CCDC102B: variants seen among roughly 807,000 people sequenced by gnomAD.
CCDC102B encodes the protein coiled-coil domain-containing protein 102B.
CCDC102B carries 75 observed loss-of-function variants against 57.4 expected under a neutral mutation model. That is an observed-to-expected ratio of 1.31 (90% CI 1.08 to 1.58). CCDC102B has a LOEUF of 1.58. Ranked by LOEUF, CCDC102B falls within the 40% of genes most tolerant of loss-of-function variation. The probability of loss-of-function intolerance (pLI) is 0.00; values close to 1 mark genes in which losing one functional copy is unlikely to be tolerated. For missense variants in CCDC102B, 636 were observed against 582.6 expected (o/e 1.09, Z -0.94); for synonymous variants, 206 against 201.9 (o/e 1.02, Z -0.17).
At chr18:68,948,664 C>T (rs1009270061) in intron 6 of CCDC102B, among the ~76,000 whole-genome samples, 9 of 151,970 alleles carry the variant, frequency 5.9e-5, no homozygotes, top group Admixed American at 2.6e-4. Flanking sequence ...TTCAACTCCT[C>T]GGAAGCCTCT....
chr18:68,947,195 T>C (rs1404005689), intron 6 of CCDC102B, among the ~76,000 whole-genome samples: 1 of 151,362 alleles, frequency 6.6e-6, no homozygotes, highest in African/African-American at 2.4e-5. Flanking sequence ...CACCAAGAGA[T>C]AGAGGGGCAT....
At chr18:68,723,531 A>G (rs1039870594) in intron 2 of CCDC102B, among the ~76,000 whole-genome samples, 6 of 152,160 alleles carry the variant, frequency 3.9e-5, no homozygotes, top group Admixed American at 6.5e-5. Flanking sequence ...GATAAATACA[A>G]CCATTCCAAA....
chr18:69,012,059 T>C (rs1443081126), intron 7 of CCDC102B, among the ~76,000 whole-genome samples: 6 of 152,172 alleles, frequency 3.9e-5, no homozygotes, highest in Admixed American at 1.3e-4. Flanking sequence ...TGCTTTCTAG[T>C]GGCTCTTGGC....
intron 6 of CCDC102B, among the ~76,000 whole-genome samples, chr18:68,929,098 A>C (rs2041578464): frequency 6.6e-6 from 1 of 151,850 alleles, no homozygotes; most frequent in South Asian, 2.1e-4. Context: ...CAGCAGCCAT[A>C]AGTTATATAT....
intron 2 of CCDC102B, chr18:68,755,108 T>C (rs1486981974): frequency 2.0e-5 from 3 of 152,206 alleles, no homozygotes; most frequent in African/African-American, 4.8e-5. Context: ...TCTGGATTTA[T>C]TGGAAAATGC....
chr18:68,971,917 C>T (rs2050310838), intron 6 of CCDC102B, among the ~76,000 whole-genome samples: 1 of 151,692 alleles, frequency 6.6e-6, no homozygotes, highest in African/African-American at 2.4e-5. Flanking sequence ...TTCTTCTCTT[C>T]CTTTCCTTCA....
At chr18:68,904,751 C>A (rs867914232) in intron 6 of CCDC102B, among the ~76,000 whole-genome samples, 1 of 152,046 alleles carries the variant, frequency 6.6e-6, no homozygotes, top group South Asian at 2.1e-4. Flanking sequence ...GAGATTTATT[C>A]TTTTCCCTGT....
chr18:68,895,379 GTTTT>G (rs2145009158), intron 5 of CCDC102B, among the ~76,000 whole-genome samples: 1 of 151,674 alleles, frequency 6.6e-6, no homozygotes. Context: ...TGAAAAAGCA[GTTTT>G]TAGGCTTTTA....
upstream of CCDC102B, among the ~76,000 whole-genome samples, chr18:68,797,367 A>AT (rs942757768): frequency 1.5e-4 from 23 of 152,068 alleles, no homozygotes; most frequent in Non-Finnish European, 2.4e-4. Context: ...TACTTTGGAC[A>AT]TTTTTTTGCT....
chr18:68,838,408 A>C (rs1446846755), intron 2 of CCDC102B: 1 of 985,110 alleles, frequency 1.0e-6, no homozygotes, highest in Non-Finnish European at 1.2e-6. Flanking sequence ...AATTATTTAC[A>C]GCTGTTCAAG....
At chr18:68,753,128 G>A (rs1014031821) in intron 2 of CCDC102B, 12 of 151,888 alleles carry the variant, frequency 7.9e-5, no homozygotes, top group African/African-American at 1.9e-4. Flanking sequence ...TTAAAAAATT[G>A]TAAAGTACAA....
In CCDC102B at chr18:69,052,330, C is replaced by T. The variant is rs555668321; in HGVS notation, c.1435-1700C>T. 7.2e-5 allele frequency among the ~76,000 whole-genome samples: 11 copies of T among 151,978 alleles called. No homozygotes were observed. The South Asian group carries it at 2.3e-3, about 31-fold the overall frequency. On this transcript the variant is annotated intron_variant, in intron 7 of 7. Coordinates refer to ENST00000360242, the MANE Select transcript of CCDC102B (RefSeq NM_024781.3). Reference sequence around the variant, plus strand: ...ATGAAAATGTGATTAAACTGGATCCCTTCTAATTATTGAGTTAAATTGGTA... The same window carrying T: ...ATGAAAATGTGATTAAACTGGATCCTTTCTAATTATTGAGTTAAATTGGTA...
intron 7 of CCDC102B, among the ~76,000 whole-genome samples, chr18:69,022,819 GGCTGGCCCCATATT>G (rs550606626): frequency 2.6e-3 from 402 of 151,968 alleles, no homozygotes; most frequent in Non-Finnish European, 4.5e-3. Flanking sequence ...TTTACCCTGT[GGCTGGCCCCATATT>G]GCAGGGAAAT....
At chr18:68,765,382 G>GAAAGA (rs1568239083) in intron 2 of CCDC102B, among the ~76,000 whole-genome samples, 3 of 125,200 alleles carry the variant, frequency 2.4e-5, no homozygotes, top group Admixed American at 8.2e-5. Flanking sequence ...AGAAAGAAAA[G>GAAAGA]AAAGAAAGAA....
chr18:68,901,774 A>T (rs1447788551), intron 6 of CCDC102B, among the ~76,000 whole-genome samples: 3 of 152,072 alleles, frequency 2.0e-5, no homozygotes, highest in South Asian at 4.1e-4. Context: ...TCTGAAACTC[A>T]TGGGGGGATG....
chr18:69,055,273 T>A, downstream of CCDC102B: 2 of 542,766 alleles, frequency 3.7e-6, no homozygotes, highest in Non-Finnish European at 4.7e-6. Flanking sequence ...GTATGACTAA[T>A]AGGAACGCAG....
chr18:68,809,462 AT>A (rs895909150), intron 1 of CCDC102B, among the ~76,000 whole-genome samples: 1 of 152,228 alleles, frequency 6.6e-6, no homozygotes, highest in African/African-American at 2.4e-5. Context: ...TAAAAACCTA[AT>A]GAAAATTATA....
chr18:69,050,603 A>C (rs1220332911), intron 7 of CCDC102B, among the ~76,000 whole-genome samples: 1 of 152,210 alleles, frequency 6.6e-6, no homozygotes, highest in Non-Finnish European at 1.5e-5. Flanking sequence ...CACATAATGC[A>C]ATCTATAAAT....
At chr18:68,756,014 T>C (rs1199070407) in intron 2 of CCDC102B, among the ~76,000 whole-genome samples, 1 of 151,498 alleles carries the variant, frequency 6.6e-6, no homozygotes, top group Non-Finnish European at 1.5e-5. Flanking sequence ...AATATCAAAA[T>C]ACATGAAATT....
Sources: gnomAD v4.1 joint callset for allele counts (sites outside exome capture counted in the v4.1 genomes callset) on GRCh38, gnomAD v4.1.1 for gene constraint, MANE v1.5 for transcripts, NCBI Gene and HGNC (gene_info 2026-07-23, HGNC 2026-07-21) for gene names.